Variants in KRABD3 observed in about 807,000 individuals in gnomAD.
KRABD3 encodes KRAB domain-containing protein 3.
chr7:149,715,026 G>A, the KRABD3 span: 4 of 1,229,142 alleles, frequency 3.3e-6, no homozygotes, highest in Non-Finnish European at 4.1e-6. Flanking sequence ...GCCGGAAACC[G>A]AGGAGTGGCG....
chr7:149,727,678 T>C, the KRABD3 span, among the ~76,000 whole-genome samples: 41,848 of 152,202 alleles, frequency 0.27, 7,247 homozygotes, highest in African/African-American at 0.49. Flanking sequence ...CTTCATGTGT[T>C]CTGCCTGGGC....
chr7:149,732,228 A>G, the KRABD3 span, among the ~76,000 whole-genome samples: 123 of 152,286 alleles, frequency 8.1e-4, 1 homozygote, highest in Middle Eastern at 0.031. The surrounding 1 kb of genome is among the most constrained non-coding windows in gnomAD (Gnocchi z 4.0). Context: ...TTACTGGCTC[A>G]GGGTGTTGGC....
chr7:149,722,709 C>T, the KRABD3 span: 4 of 1,525,616 alleles, frequency 2.6e-6, no homozygotes, highest in Non-Finnish European at 3.5e-6. Context: ...CGCCCGGAGA[C>T]CTGAATGCCT....
the KRABD3 span, chr7:149,720,943 G>A: frequency 1.5e-5 from 25 of 1,613,658 alleles, no homozygotes; most frequent in Admixed American, 3.3e-4. Context: ...AGCCCCGAGA[G>A]CGAGAGCCGG....
At chr7:149,731,641 C>T in the KRABD3 span, 1 of 1,545,342 alleles carries the variant, frequency 6.5e-7, no homozygotes, top group South Asian at 1.2e-5. Flanking sequence ...GATCGTCTCC[C>T]TGCCCCAAGG....
the KRABD3 span, chr7:149,719,966 A>G: frequency 6.6e-7 from 1 of 1,525,972 alleles, no homozygotes. This position sits in a 1 kb window ranked among gnomAD's most constrained non-coding sequence, Gnocchi z 5.6. Context: ...CGAAGCGGAG[A>G]CCACTCCATT....
chr7:149,718,794 C>T, the KRABD3 span, among the ~76,000 whole-genome samples: 3 of 152,100 alleles, frequency 2.0e-5, no homozygotes, highest in Non-Finnish European at 4.4e-5. Context: ...GGATTACAGG[C>T]GTGAGCCACC....
the KRABD3 span, chr7:149,733,596 C>A: frequency 6.3e-7 from 1 of 1,596,856 alleles, no homozygotes; most frequent in South Asian, 1.1e-5. Context: ...AAGGGACCCA[C>A]GAGGCCTAAA....
the KRABD3 span, chr7:149,726,030 G>T: frequency 5.0e-6 from 8 of 1,612,900 alleles, no homozygotes; most frequent in East Asian, 4.5e-5. Context: ...TGGGAGTCCT[G>T]TGGGGAACCA....
At chr7:149,728,622 C>T in the KRABD3 span, 1 of 1,613,600 alleles carries the variant, frequency 6.2e-7, no homozygotes, top group African/African-American at 1.3e-5. Flanking sequence ...TCCTCAGCAG[C>T]AGACAGGGGA....
the KRABD3 span, chr7:149,730,079 C>A: frequency 1.6e-5 from 23 of 1,431,788 alleles, no homozygotes; most frequent in Non-Finnish European, 2.1e-5. Flanking sequence ...TCTGTGTGCC[C>A]AGACACTAAG....
the KRABD3 span, chr7:149,719,636 G>A: frequency 6.0e-5 from 97 of 1,609,118 alleles, no homozygotes; most frequent in Non-Finnish European, 7.2e-5. The surrounding 1 kb of genome is among the most constrained non-coding windows in gnomAD (Gnocchi z 5.6). Context: ...CTACCGAGAC[G>A]TGATGCGGGA....
the KRABD3 span, chr7:149,722,497 A>G: frequency 6.7e-4 from 558 of 834,540 alleles, 7 homozygotes; most frequent in African/African-American, 8.6e-3. Flanking sequence ...CCTCCCACCC[A>G]TAGCCCCAGC....
chr7:149,728,427 C>T, the KRABD3 span: 1 of 1,405,804 alleles, frequency 7.1e-7, no homozygotes. Flanking sequence ...CCCCTGTGAC[C>T]CCCCTTCCCT....
At chr7:149,720,501 AG>A in the KRABD3 span, among the ~76,000 whole-genome samples, 1 of 152,362 alleles carries the variant, frequency 6.6e-6, no homozygotes, top group Non-Finnish European at 1.5e-5. Flanking sequence ...CCAGGCATTT[AG>A]GGGGTGCCAG....
the KRABD3 span, chr7:149,729,220 C>T: frequency 6.3e-7 from 1 of 1,581,392 alleles, no homozygotes; most frequent in Non-Finnish European, 8.6e-7. Flanking sequence ...GTCAGCCCGT[C>T]TCGGGCAGGG....
chr7:149,719,645 G>C, the KRABD3 span: 3 of 1,608,440 alleles, frequency 1.9e-6, no homozygotes, highest in Non-Finnish European at 2.5e-6. This position sits in a 1 kb window ranked among gnomAD's most constrained non-coding sequence, Gnocchi z 5.6. Context: ...CGTGATGCGG[G>C]AGAACTACGA....
At chr7:149,722,496 C>G in the KRABD3 span, 2 of 1,603,414 alleles carry the variant, frequency 1.2e-6, no homozygotes, top group Non-Finnish European at 1.7e-6. Context: ...CCCTCCCACC[C>G]ATAGCCCCAG....
the KRABD3 span, chr7:149,728,735 G>A: frequency 7.1e-6 from 11 of 1,551,710 alleles, no homozygotes; most frequent in African/African-American, 4.1e-5. Context: ...TGCCCTAGGC[G>A]CTGCACCTGT....
Sources: allele counts gnomAD v4.1 joint callset (sites outside exome capture counted in the v4.1 genomes callset), GRCh38; gene constraint gnomAD v4.1.1; non-coding constraint Gnocchi (gnomAD v3.1); transcripts MANE v1.5; gene names NCBI Gene and HGNC (gene_info 2026-07-23, HGNC 2026-07-21).